Variants in REPS2 observed in about 807,000 individuals in gnomAD.
REPS2 encodes RALBP1 associated Eps domain containing 2.
REPS2 carries 23 observed loss-of-function variants against 53.6 expected under a neutral mutation model. The observed-to-expected ratio is 0.43, with a 90% confidence interval of 0.31 to 0.61. The LOEUF (loss-of-function observed/expected upper bound fraction) is 0.61, where lower values mean the gene tolerates loss of function less well. Among genes scored for constraint, REPS2 ranks in the 20% least tolerant of loss-of-function variants. REPS2 has a pLI of 0.11. For missense variants in REPS2, 446 were observed against 534.9 expected (o/e 0.83, Z 1.64); for synonymous variants, 238 against 218.6 (o/e 1.09, Z -0.78).
chrX:17,094,601 G>T (rs2062671324), intron 13 of REPS2, among the ~76,000 whole-genome samples: 1 of 111,654 alleles, frequency 9.0e-6, no homozygotes, highest in Non-Finnish European at 1.9e-5. Flanking sequence ...CTATTTTCTG[G>T]AAGATTTCCT....
At chrX:17,089,601 C>G (rs1384553536) in intron 13 of REPS2, among the ~76,000 whole-genome samples, 3 of 111,812 alleles carry the variant, frequency 2.7e-5, no homozygotes, top group Non-Finnish European at 5.6e-5. Context: ...TTTTCCTTTT[C>G]TGAATATTTC....
rs796407460 is a variant in REPS2, at chrX:17,131,903, G to GTT, written c.1579-1905_1579-1904dup. On this transcript the variant is annotated intron_variant, in intron 14 of 17. Coordinates refer to ENST00000357277, the MANE Select transcript of REPS2 (RefSeq NM_004726.3). ...TTTAAGAAGGGCCATATTTACTAGA[G>GTT]TTTTTTTTTTTTTTTTTCCCAAACT... 1.1e-3 allele frequency among the ~76,000 whole-genome samples: 101 copies of GTT among 90,415 alleles called. 1 individual carries two copies. The highest frequency in any genetic ancestry group is 2.7e-3 in the African/African-American group (68 of 24,843). The allele number at this position is 90,415 out of a possible 115,157, so 78.5% of individuals were successfully genotyped here. A position where few individuals can be genotyped will look rare whatever the true frequency, so the allele number is the denominator to read the frequency against.
intron 2 of REPS2, 77 bp from the exon 3 acceptor site, chrX:17,022,046 T>G: frequency 1.1e-6 from 1 of 910,374 alleles, no homozygotes; most frequent in Non-Finnish European, 1.5e-6. Flanking sequence ...TGATTCATCG[T>G]TTGGCCATTG....
At chrX:16,966,508 A>G (rs1268027604) in intron 1 of REPS2, among the ~76,000 whole-genome samples, 1 of 112,498 alleles carries the variant, frequency 8.9e-6, no homozygotes, top group African/African-American at 3.2e-5. Flanking sequence ...CGCCTTATAC[A>G]CATAGCCTAA....
intron 1 of REPS2, among the ~76,000 whole-genome samples, chrX:16,962,920 A>C: frequency 9.0e-6 from 1 of 111,217 alleles, no homozygotes; most frequent in Non-Finnish European, 1.9e-5. Context: ...CGTAGTGAGA[A>C]ACCTGTCTCT....
intron 1 of REPS2, among the ~76,000 whole-genome samples, chrX:16,964,781 G>C (rs1209631151): frequency 2.4e-5 from 2 of 82,144 alleles, no homozygotes; most frequent in African/African-American, 4.7e-5. Flanking sequence ...CTGGCCGGGC[G>C]GGGGGCTGAC....
chrX:17,196,288 C>A, the REPS2 span, among the ~76,000 whole-genome samples: 2 of 111,830 alleles, frequency 1.8e-5, no homozygotes, highest in African/African-American at 6.5e-5. Flanking sequence ...TTTCCTAGGA[C>A]TCCCAAAGTT....
chrX:17,114,320 C>G (rs1847954688), intron 14 of REPS2, among the ~76,000 whole-genome samples: 1 of 112,044 alleles, frequency 8.9e-6, no homozygotes, highest in South Asian at 3.7e-4. Context: ...ATTTACCTAT[C>G]TTGTCTTATA....
intron 2 of REPS2, among the ~76,000 whole-genome samples, chrX:17,019,295 A>G (rs2061539887): frequency 8.9e-6 from 1 of 112,259 alleles, no homozygotes; most frequent in African/African-American, 3.2e-5. Context: ...ATGAAACAAC[A>G]ATGAAGCAAA....
intron 11 of REPS2, among the ~76,000 whole-genome samples, chrX:17,071,205 G>A (rs184033763): frequency 8.9e-6 from 1 of 112,317 alleles, no homozygotes; most frequent in East Asian, 2.8e-4. Flanking sequence ...GTAGGCCAAC[G>A]CCTGGGGTCA....
intron 1 of REPS2, among the ~76,000 whole-genome samples, chrX:16,980,270 C>T (rs191891610): frequency 2.3e-3 from 242 of 106,349 alleles, no homozygotes; most frequent in South Asian, 9.8e-3. Flanking sequence ...CACCACGGCC[C>T]GGCTAATTTA....
intron 14 of REPS2, among the ~76,000 whole-genome samples, chrX:17,123,563 A>G (rs1053711593): frequency 8.1e-5 from 9 of 111,796 alleles, no homozygotes; most frequent in African/African-American, 2.3e-4. Context: ...ACTTTCACCA[A>G]AGTTGTTCCT....
chrX:16,989,519 A>T (rs2061135826), intron 1 of REPS2, among the ~76,000 whole-genome samples: 1 of 111,942 alleles, frequency 8.9e-6, no homozygotes, highest in African/African-American at 3.2e-5. Context: ...AGTGGGGGGA[A>T]ATATTTGCAA....
At chrX:17,029,747 A>T (rs1308088306) in intron 5 of REPS2, 124 bp downstream of exon 5, 1 of 454,425 alleles carries the variant, frequency 2.2e-6, no homozygotes, top group Non-Finnish European at 3.8e-6. Context: ...CTTCATGCAA[A>T]TATTGCATGT....
At chrX:17,088,727 G>T (rs1478489545) in intron 13 of REPS2, among the ~76,000 whole-genome samples, 4 of 109,199 alleles carry the variant, frequency 3.7e-5, no homozygotes, top group African/African-American at 1.3e-4. Context: ...GGGACTACAG[G>T]TGCCCACCAC....
At chrX:16,970,825 G>T (rs925191129) in intron 1 of REPS2, among the ~76,000 whole-genome samples, 2 of 112,337 alleles carry the variant, frequency 1.8e-5, no homozygotes, top group Non-Finnish European at 3.8e-5. Context: ...AATGTAGCAC[G>T]TATCAGCACT....
intron 7 of REPS2, among the ~76,000 whole-genome samples, chrX:17,054,091 C>T (rs1298375970): frequency 1.8e-5 from 2 of 112,115 alleles, no homozygotes; most frequent in Non-Finnish European, 3.8e-5. Context: ...TTCTTTTGTG[C>T]TGAGTAAATA....
intron 9 of REPS2, among the ~76,000 whole-genome samples, chrX:17,065,316 A>G (rs1408494715): frequency 8.9e-6 from 1 of 112,267 alleles, no homozygotes; most frequent in East Asian, 2.8e-4. Flanking sequence ...TAGACACCCT[A>G]GTGGAATGAA....
chrX:16,974,585 C>T (rs1395152381), intron 1 of REPS2, among the ~76,000 whole-genome samples: 1 of 110,454 alleles, frequency 9.1e-6, no homozygotes, highest in East Asian at 2.8e-4. Flanking sequence ...GCAGAGGTTG[C>T]AGTGAGCCGA....
Sources: gnomAD v4.1 joint callset for allele counts (sites outside exome capture counted in the v4.1 genomes callset) on GRCh38, gnomAD v4.1.1 for gene constraint, MANE v1.5 for transcripts, NCBI Gene and HGNC (gene_info 2026-07-23, HGNC 2026-07-21) for gene names.